Variants in DCAF6 observed in about 807,000 individuals in gnomAD.
DCAF6 encodes DDB1- and CUL4-associated factor 6.
A neutral mutation model predicts 125.1 loss-of-function variants in DCAF6; 54 were observed. That is an observed-to-expected ratio of 0.43 (90% CI 0.35 to 0.54). The LOEUF is 0.54. DCAF6 is among the 20% of genes least tolerant of loss of function. The pLI is 0.01. For synonymous variants in DCAF6, 371 were observed against 390.4 expected (o/e 0.95, Z 0.58); for missense variants, 934 against 1,161.7 (o/e 0.80, Z 2.85).
chr1:167,956,112 A>T (rs1043642535), intron 2 of DCAF6, among the ~76,000 whole-genome samples: 3 of 152,030 alleles, frequency 2.0e-5, no homozygotes, highest in African/African-American at 7.2e-5. Context: ...CAGTTTTTTC[A>T]TGGATGCTTG....
chr1:167,936,743 G>T lies in DCAF6; in HGVS notation c.-169G>T. 3.3e-6 allele frequency: 2 copies of T among 611,134 alleles called. No homozygotes were observed. The highest frequency in any genetic ancestry group is 2.9e-6 in the Non-Finnish European group (1 of 343,658). The allele number at this position is 611,134 out of a possible 1,614,324, so 37.9% of individuals were successfully genotyped here. ...GCGAGCTCCGGCCCGGGTGCGGCCG[G>T]GCTTCAGGGGCCCAGGCGCCGCTGC... On this transcript the variant is annotated 5_prime_UTR_variant, in exon 1 of 22. Transcript: ENST00000367840.
chr1:167,904,181 G>A, the DCAF6 span, among the ~76,000 whole-genome samples: 3 of 149,294 alleles, frequency 2.0e-5, no homozygotes, highest in Non-Finnish European at 3.0e-5. Context: ...TCCGCCTCCC[G>A]GGTTCAAGCA....
chr1:168,052,834 A>G (rs1277674455), intron 17 of DCAF6, among the ~76,000 whole-genome samples: 1 of 152,104 alleles, frequency 6.6e-6, no homozygotes, highest in Admixed American at 6.6e-5. Context: ...GTACTGAGGG[A>G]GTTCTCCAAC....
At chr1:167,894,382 G>A in the DCAF6 span, among the ~76,000 whole-genome samples, 1 of 152,130 alleles carries the variant, frequency 6.6e-6, no homozygotes, top group Non-Finnish European at 1.5e-5. Flanking sequence ...CCGCTTCACT[G>A]TGTGACCCTG....
Position 168,066,950 on chromosome 1 carries a change from ATATTT to A in DCAF6, c.2685+488_2685+492del, listed in dbSNP as rs1291210269. Among the ~76,000 whole-genome samples the A allele has an allele frequency of 2.0e-5, 3 of 152,146 alleles. No individual in the cohort carries two copies. The East Asian group carries it at 5.8e-4, about 29-fold the overall frequency. On this transcript the variant is annotated intron_variant, in intron 20 of 21. Transcript: ENST00000367840. ...GTGAAGAATCTTTTCCTTTATCATT[ATATTT>A]TAAGATTTTTTTAAGCCTGTTAAAA... is the stretch of plus-strand genomic sequence containing the variant.
chr1:167,985,647 G>A (rs574147785), intron 4 of DCAF6, among the ~76,000 whole-genome samples: 10 of 152,128 alleles, frequency 6.6e-5, no homozygotes, highest in Admixed American at 1.3e-4. Flanking sequence ...TAAAGTATTC[G>A]TAGGTTCTAA....
the DCAF6 span, among the ~76,000 whole-genome samples, chr1:167,927,044 T>C: frequency 6.6e-6 from 1 of 152,224 alleles, no homozygotes; most frequent in African/African-American, 2.4e-5. Context: ...CTTTTCTTAA[T>C]CTTCCTTGAC....
chr1:167,989,364 C>A (rs1680502632), intron 5 of DCAF6, among the ~76,000 whole-genome samples: 1 of 152,008 alleles, frequency 6.6e-6, no homozygotes, highest in South Asian at 2.1e-4. Flanking sequence ...AATAAGAAAA[C>A]AAATCTGATA....
chr1:167,985,184 CGTGT>C lies in DCAF6; in HGVS notation c.439-2287_439-2284del, dbSNP rs33966059. ...AGGTGAGATCATAGCCAAACCACGT[CGTGT>C]GTGTGTGTGTGTGTGTGTGTGTGGT... On this transcript the variant is annotated intron_variant, in intron 4 of 21. Coordinates refer to ENST00000367840, the MANE Select transcript of DCAF6 (RefSeq NM_001198956.2). Among the ~76,000 whole-genome samples, 666 of 147,016 alleles carry C rather than the reference CGTGT, an allele frequency of 4.5e-3. 6 individuals are homozygous for C. Among genetic ancestry groups the C allele is most frequent in the African/African-American group, 0.013 (518 of 40,312 alleles).
At position 167,968,718 on chromosome 1, in the gene DCAF6, C is replaced by T. The variant is rs960538347; in HGVS notation, c.252+1997C>T. ...AAACCTGTGCATGGTTGCAGGAGCT[C>T]CCATTAGAGATAGGAAGCAAACTCC... On this transcript the variant is annotated intron_variant, in intron 3 of 21. Coordinates refer to ENST00000367840, the MANE Select transcript of DCAF6 (RefSeq NM_001198956.2). 1.2e-4 allele frequency among the ~76,000 whole-genome samples: 18 copies of T among 152,270 alleles called. 1 individual carries two copies. The East Asian group carries it at 1.7e-3, about 15-fold the overall frequency.
intron 4 of DCAF6, among the ~76,000 whole-genome samples, chr1:167,982,776 G>T (rs1679388764): frequency 6.6e-6 from 1 of 152,032 alleles, no homozygotes; most frequent in Non-Finnish European, 1.5e-5. Context: ...TTTCTTTTAG[G>T]ATTCTTATAG....
At chr1:167,952,375 G>A (rs1367892337) in intron 2 of DCAF6, among the ~76,000 whole-genome samples, 11 of 151,808 alleles carry the variant, frequency 7.2e-5, no homozygotes, top group Admixed American at 3.9e-4. Flanking sequence ...CTGCCACCAC[G>A]CCTGGCTAAT....
At chr1:167,882,484 CAAAAAAAAAAA>C in the DCAF6 span, among the ~76,000 whole-genome samples, 1 of 71,142 alleles carries the variant, frequency 1.4e-5, no homozygotes, top group Non-Finnish European at 2.8e-5. Context: ...GATTCCGTCT[CAAAAAAAAAAA>C]AAAAAAAAAG....
chr1:167,928,340 C>T, the DCAF6 span, among the ~76,000 whole-genome samples: 1 of 148,402 alleles, frequency 6.7e-6, no homozygotes, highest in African/African-American at 2.5e-5. Context: ...AAAAAAGTCA[C>T]ACAATGGGTT....
At chr1:168,051,652 G>A (rs1689956696) in intron 17 of DCAF6, among the ~76,000 whole-genome samples, 1 of 152,098 alleles carries the variant, frequency 6.6e-6, no homozygotes, top group Non-Finnish European at 1.5e-5. Flanking sequence ...TGTAAAGTTT[G>A]TAGAGTTCCT....
chr1:168,040,436 A>G (rs1688375114), intron 13 of DCAF6, among the ~76,000 whole-genome samples: 1 of 151,932 alleles, frequency 6.6e-6, no homozygotes, highest in Admixed American at 6.6e-5. Context: ...GCAGTAAGAA[A>G]GGTGAGAGGT....
intron 17 of DCAF6, among the ~76,000 whole-genome samples, chr1:168,057,584 A>G (rs879413027): frequency 6.6e-6 from 1 of 152,256 alleles, no homozygotes; most frequent in Non-Finnish European, 1.5e-5. Flanking sequence ...TTATTTTGTT[A>G]CTTCAATAAA....
intron 2 of DCAF6, among the ~76,000 whole-genome samples, chr1:167,965,212 T>G (rs1676215940): frequency 6.6e-6 from 1 of 152,194 alleles, no homozygotes; most frequent in Non-Finnish European, 1.5e-5. Flanking sequence ...TATGATTAGG[T>G]GTCTGTCACT....
intron 11 of DCAF6, among the ~76,000 whole-genome samples, chr1:168,017,128 T>A (rs1685079460): frequency 6.6e-6 from 1 of 151,864 alleles, no homozygotes; most frequent in South Asian, 2.1e-4. Flanking sequence ...GCCTCTGATT[T>A]TTTTTTTTCC....
Sources: gnomAD v4.1 joint callset for allele counts (sites outside exome capture counted in the v4.1 genomes callset) on GRCh38, gnomAD v4.1.1 for gene constraint, MANE v1.5 for transcripts, NCBI Gene and HGNC (gene_info 2026-07-23, HGNC 2026-07-21) for gene names.